Variants in NRXN3 observed in about 807,000 individuals in gnomAD.
NRXN3 encodes neurexin 3.
NRXN3 carries 32 observed loss-of-function variants against 137.6 expected under a neutral mutation model. The observed-to-expected ratio is 0.23, with a 90% CI of 0.18 to 0.31. The LOEUF is 0.31. NRXN3 is among the 10% of genes least tolerant of loss of function. NRXN3 has a pLI of 1.00. For synonymous variants in NRXN3, 798 were observed against 784.5 expected, an observed-to-expected ratio of 1.02 and a Z score of -0.29; for missense variants, 1,574 against 2,062.5, an observed-to-expected ratio of 0.76 and a Z score of 4.59.
At chr14:78,631,922 T>C (rs1040991116) in intron 4 of NRXN3, among the ~76,000 whole-genome samples, 1 of 151,780 alleles carries the variant, frequency 6.6e-6, no homozygotes, top group Non-Finnish European at 1.5e-5. Context: ...CCTGGCTAAT[T>C]TGGTGAAACC....
intron 6 of NRXN3, among the ~76,000 whole-genome samples, chr14:78,684,757 A>G (rs1428248101): frequency 6.6e-6 from 1 of 152,180 alleles, no homozygotes; most frequent in East Asian, 1.9e-4. Context: ...TTGTATCACT[A>G]TACTTCAGTT....
rs534809878 is a variant in NRXN3, at chr14:79,498,365, C to G, written c.3444+30963C>G. Among the ~76,000 whole-genome samples the G allele has an allele frequency of 3.3e-5, 5 of 152,220 alleles. No homozygotes were observed. The East Asian group carries it at 5.8e-4, about 18-fold the overall frequency. On this transcript the variant is annotated intron_variant, in intron 16 of 20. Transcript: ENST00000335750. ...AATGATCATTTCTTTCCTGCTTACT[C>G]CAGATTGAGATTGCCAGCCTTGACT...
chr14:79,605,490 CT>C, intron 16 of NRXN3, among the ~76,000 whole-genome samples: 1 of 151,816 alleles, frequency 6.6e-6, no homozygotes. Flanking sequence ...AGATACTGCA[CT>C]TTTTTTTCTT....
chr14:79,301,073 ATAC>A lies in NRXN3; in HGVS notation c.3263-166146_3263-166144del, dbSNP rs1425478089. On this transcript the variant is annotated intron_variant, in intron 15 of 20. Transcript: ENST00000335750. Reference sequence around the variant, plus strand: ...CATAATTACCAATTTCATATATATAATACTTCTAACTTTTCAGAGGATTTTTAT... The same window carrying A: ...CATAATTACCAATTTCATATATATAATTCTAACTTTTCAGAGGATTTTTAT... 3.9e-5 allele frequency among the ~76,000 whole-genome samples: 6 copies of A among 152,170 alleles called. No individual in the cohort carries two copies. In the South Asian group the frequency reaches 1.2e-3, roughly 32 times the overall value.
chr14:78,879,299 T>C (rs1323690510), intron 10 of NRXN3, among the ~76,000 whole-genome samples: 2 of 152,220 alleles, frequency 1.3e-5, no homozygotes, highest in Non-Finnish European at 2.9e-5. Flanking sequence ...TTTTTCATAA[T>C]GGCTACATGA....
chr14:78,539,280 C>T (rs2096565900), intron 4 of NRXN3, among the ~76,000 whole-genome samples: 2 of 152,294 alleles, frequency 1.3e-5, no homozygotes, highest in African/African-American at 2.4e-5. Context: ...TAATTATTGC[C>T]TCAATTTCAG....
intron 15 of NRXN3, among the ~76,000 whole-genome samples, chr14:79,341,862 A>C (rs1035900166): frequency 6.6e-6 from 1 of 152,228 alleles, no homozygotes; most frequent in Non-Finnish European, 1.5e-5. Context: ...AAAACAAAAC[A>C]AAGCAAAAAG....
intron 6 of NRXN3, among the ~76,000 whole-genome samples, chr14:78,678,447 C>T (rs1275192680): frequency 6.6e-6 from 1 of 151,980 alleles, no homozygotes; most frequent in Non-Finnish European, 1.5e-5. Context: ...CCACACCCAG[C>T]TACTCCAGTA....
At chr14:79,259,579 AGC>A (rs2077262838) in intron 15 of NRXN3, among the ~76,000 whole-genome samples, 1 of 148,246 alleles carries the variant, frequency 6.7e-6, no homozygotes, top group Non-Finnish European at 1.5e-5. Flanking sequence ...ATCTATATAT[AGC>A]TATATATAGA....
chr14:79,490,292 A>G (rs990401450), intron 16 of NRXN3, among the ~76,000 whole-genome samples: 1 of 152,182 alleles, frequency 6.6e-6, no homozygotes, highest in African/African-American at 2.4e-5. Flanking sequence ...CTACCATATG[A>G]TCTATCAATC....
intron 15 of NRXN3, among the ~76,000 whole-genome samples, chr14:79,457,442 C>T: frequency 6.6e-6 from 1 of 152,148 alleles, no homozygotes; most frequent in East Asian, 1.9e-4. Context: ...GTGTTGTCGC[C>T]TTCTTAATCA....
At chr14:79,046,745 G>C (rs2099633672) in intron 15 of NRXN3, among the ~76,000 whole-genome samples, 1 of 151,854 alleles carries the variant, frequency 6.6e-6, no homozygotes, top group South Asian at 2.1e-4. Flanking sequence ...TACTAAAGAG[G>C]GTATTTTTGA....
chr14:78,478,561 G>A (rs1307080479), intron 4 of NRXN3, among the ~76,000 whole-genome samples: 1 of 152,150 alleles, frequency 6.6e-6, no homozygotes, highest in Admixed American at 6.5e-5. Flanking sequence ...AAAAAAAAGA[G>A]AAAGCCTTTC....
chr14:78,331,005 T>TG lies in NRXN3; in HGVS notation c.757+33146dup, dbSNP rs148914545. The stretch of plus-strand genomic sequence containing the variant: ...TATTTGAAACATTGGAGTCAGAATC[T>TG]GTTTGCCTTTGTGTTTGAGCATGCA... On this transcript the variant is annotated intron_variant, in intron 4 of 20. Transcript: ENST00000335750. 8.3e-3 allele frequency among the ~76,000 whole-genome samples: 1,269 copies of TG among 152,306 alleles called. 16 individuals are homozygous for TG. Among genetic ancestry groups the TG allele is most frequent in the African/African-American group, 0.029 (1,196 of 41,562 alleles).
intron 19 of NRXN3, among the ~76,000 whole-genome samples, chr14:79,749,903 T>A (rs1252735035): frequency 6.6e-6 from 1 of 152,196 alleles, no homozygotes; most frequent in Admixed American, 6.6e-5. Flanking sequence ...AAATTAGCTA[T>A]GAAAACAAAT....
intron 20 of NRXN3, among the ~76,000 whole-genome samples, chr14:79,820,159 C>G (rs1603615745): frequency 6.6e-6 from 1 of 152,150 alleles, no homozygotes; most frequent in Non-Finnish European, 1.5e-5. Context: ...TTTCCCTGTA[C>G]TCTTTGATTT....
chr14:79,199,552 T>G (rs1378944928), intron 15 of NRXN3, among the ~76,000 whole-genome samples: 1 of 152,034 alleles, frequency 6.6e-6, no homozygotes, highest in Non-Finnish European at 1.5e-5. Flanking sequence ...CAATTGAAAG[T>G]CGAAAAAAGT....
chr14:79,219,568 A>G (rs1308773704), intron 15 of NRXN3, among the ~76,000 whole-genome samples: 4 of 152,226 alleles, frequency 2.6e-5, no homozygotes, highest in Non-Finnish European at 5.9e-5. Context: ...TGTATTTATT[A>G]TCTTTAAAGG....
intron 4 of NRXN3, among the ~76,000 whole-genome samples, chr14:78,351,621 G>T (rs1234659328): frequency 6.6e-6 from 1 of 151,816 alleles, no homozygotes; most frequent in African/African-American, 2.4e-5. Context: ...TGAGTTATTT[G>T]TTCATATGCT....
Sources: allele counts gnomAD v4.1 joint callset (sites outside exome capture counted in the v4.1 genomes callset), GRCh38; gene constraint gnomAD v4.1.1; transcripts MANE v1.5; gene names NCBI Gene and HGNC (gene_info 2026-07-23, HGNC 2026-07-21).